The following LEKR1 variants were observed in gnomAD, a reference collection of about 807,000 sequenced individuals.
The protein encoded by LEKR1 is protein LEKR1.
In LEKR1, 59 loss-of-function variants were observed where a neutral mutation model predicts 72.4. The observed-to-expected ratio is 0.82, with a 90% CI of 0.66 to 1.01. LEKR1 has a LOEUF of 1.01. LEKR1 is among the 50% of genes least tolerant of loss of function. The pLI is 0.00. For synonymous variants in LEKR1, 257 were observed against 263.2 expected (o/e 0.98, Z 0.23); for missense variants, 728 against 759.2 (o/e 0.96, Z 0.48).
intron 6 of LEKR1, among the ~76,000 whole-genome samples, chr3:156,953,421 A>C: frequency 6.6e-6 from 1 of 151,576 alleles, no homozygotes; most frequent in East Asian, 1.9e-4. Flanking sequence ...CGTGTGCCAT[A>C]GTAGTTTGCT....
intron 6 of LEKR1, among the ~76,000 whole-genome samples, chr3:156,972,635 A>G (rs947401299): frequency 6.6e-6 from 1 of 151,654 alleles, no homozygotes; most frequent in South Asian, 2.1e-4. Context: ...ACAAATTTAT[A>G]TGTAATATAT....
chr3:156,881,834 A>G, intron 3 of LEKR1, among the ~76,000 whole-genome samples: 2 of 136,194 alleles, frequency 1.5e-5, no homozygotes, highest in Admixed American at 7.7e-5. Flanking sequence ...CAGAGCCCTC[A>G]GAAATAACGC....
chr3:156,961,037 G>A (rs1225657855), intron 6 of LEKR1, among the ~76,000 whole-genome samples: 1 of 152,040 alleles, frequency 6.6e-6, no homozygotes, highest in Non-Finnish European at 1.5e-5. Flanking sequence ...CTTTTTGTCA[G>A]CAGTCACAAA....
At chr3:156,946,762 A>G (rs910757208) in intron 6 of LEKR1, among the ~76,000 whole-genome samples, 1 of 151,348 alleles carries the variant, frequency 6.6e-6, no homozygotes, top group African/African-American at 2.4e-5. Flanking sequence ...ATGTTGGACC[A>G]TCCTTGCTTC....
At chr3:156,945,181 C>G (rs1367071274) in intron 6 of LEKR1, among the ~76,000 whole-genome samples, 2 of 151,638 alleles carry the variant, frequency 1.3e-5, no homozygotes, top group Non-Finnish European at 3.0e-5. Context: ...ATGTTGAACA[C>G]CTTTCCATAT....
chr3:157,018,173 T>C (rs887820862), intron 10 of LEKR1, among the ~76,000 whole-genome samples: 1 of 152,184 alleles, frequency 6.6e-6, no homozygotes, highest in Admixed American at 6.5e-5. Flanking sequence ...CTGATAGAAC[T>C]GTGAGAAGTA....
Position 156,958,121 on chromosome 3 carries a change from ACTACGTAC to A in LEKR1, c.745+15411_745+15418del, listed in dbSNP as rs1462476930. 3.9e-5 allele frequency among the ~76,000 whole-genome samples: 6 copies of A among 152,292 alleles called. No homozygotes were observed. The South Asian group carries it at 1.0e-3, about 26-fold the overall frequency. On this transcript the variant is annotated intron_variant, in intron 6 of 12. Transcript: ENST00000356539. Reference sequence around the variant, plus strand: ...AACTAGCGATGACAAGTACCACTTCACTACGTACCTATCTGTGAAGGGTACCAGGTTGG... The same window carrying A: ...AACTAGCGATGACAAGTACCACTTCACTATCTGTGAAGGGTACCAGGTTGG...
intron 1 of LEKR1, among the ~76,000 whole-genome samples, chr3:156,828,307 C>G (rs545284227): frequency 6.6e-6 from 1 of 152,178 alleles, no homozygotes; most frequent in African/African-American, 2.4e-5. Context: ...GCTGTATGGC[C>G]GGGGTTGCTC....
intron 6 of LEKR1, among the ~76,000 whole-genome samples, chr3:156,948,555 C>G (rs749429355): frequency 6.6e-6 from 1 of 150,834 alleles, no homozygotes; most frequent in Non-Finnish European, 1.5e-5. Flanking sequence ...TGACAGTGAA[C>G]GTTCAATCTG....
chr3:157,020,848 C>T (rs986342418), intron 10 of LEKR1, among the ~76,000 whole-genome samples: 20 of 151,812 alleles, frequency 1.3e-4, no homozygotes, highest in Non-Finnish European at 2.4e-4. Flanking sequence ...CCTGAGGAAT[C>T]GCCACACTGA....
At chr3:157,010,298 G>A (rs571779870) in intron 9 of LEKR1, among the ~76,000 whole-genome samples, 1 of 152,108 alleles carries the variant, frequency 6.6e-6, no homozygotes, top group African/African-American at 2.4e-5. Context: ...TCCCAAAGAA[G>A]TAGACTATAT....
At chr3:157,020,547 C>T (rs9833311) in intron 10 of LEKR1, among the ~76,000 whole-genome samples, 6,111 of 148,920 alleles carry the variant, frequency 0.041, 433 homozygotes, top group African/African-American at 0.14. Flanking sequence ...TTTGTCCTTG[C>T]GATAGTTTAC....
chr3:157,007,419 G>C (rs9867759), intron 9 of LEKR1, among the ~76,000 whole-genome samples: 110,265 of 151,446 alleles, frequency 0.73, 40,619 homozygotes, highest in East Asian at 0.93. Context: ...GCAGTTACTG[G>C]AAGTAAAAAG....
chr3:156,987,831 A>C (rs192256036), intron 7 of LEKR1, among the ~76,000 whole-genome samples: 4 of 152,254 alleles, frequency 2.6e-5, no homozygotes, highest in Admixed American at 2.6e-4. Context: ...ATCTATTTTA[A>C]TTAGTCTAGT....
At chr3:156,974,176 ATAT>A (rs1200504499) in intron 6 of LEKR1, among the ~76,000 whole-genome samples, 1 of 152,128 alleles carries the variant, frequency 6.6e-6, no homozygotes, top group Non-Finnish European at 1.5e-5. Flanking sequence ...ACATGATGAA[ATAT>A]TATGTATCAG....
At chr3:156,857,867 TATACTTATCTTTTCTA>T (rs1289869567) in intron 3 of LEKR1, among the ~76,000 whole-genome samples, 2 of 152,232 alleles carry the variant, frequency 1.3e-5, no homozygotes, top group African/African-American at 4.8e-5. Flanking sequence ...CAGACTAGGT[TATACTTATCTTTTCTA>T]ATAAGTTAAG....
chr3:157,034,252 G>C (rs1399328018), intron 12 of LEKR1, among the ~76,000 whole-genome samples: 1 of 152,158 alleles, frequency 6.6e-6, no homozygotes, highest in Non-Finnish European at 1.5e-5. Flanking sequence ...GATGATAGCT[G>C]TCATAGTTAT....
At position 156,982,853 on chromosome 3, in the gene LEKR1, GTGTAGA is replaced by G. The variant is rs1246314355; in HGVS notation, c.827+3580_827+3585del. ...TATATATGAATATGTGTGTGTGTGTGTGTAGATAGATAGATAGATAGATAGATAGAT... is the reference window on the plus strand; with the variant it reads ...TATATATGAATATGTGTGTGTGTGTGTAGATAGATAGATAGATAGATAGAT... On this transcript the variant is annotated intron_variant, in intron 7 of 12. Coordinates refer to ENST00000356539, the MANE Select transcript of LEKR1 (RefSeq NM_001004316.3). Among the ~76,000 whole-genome samples, 1,313 of 137,602 alleles carry G rather than the reference GTGTAGA, an allele frequency of 9.5e-3. 19 individuals carry two copies. Among genetic ancestry groups the G allele is most frequent in the African/African-American group, 0.033 (1,233 of 37,216 alleles). 90.3% of individuals were successfully genotyped at this position (137,602 alleles called of 152,430 possible).
chr3:156,847,332 A>G (rs1487039732), intron 2 of LEKR1, among the ~76,000 whole-genome samples: 1 of 152,230 alleles, frequency 6.6e-6, no homozygotes, highest in Admixed American at 6.5e-5. Context: ...ATGGTTCTAC[A>G]TTTGTTTAAT....
Sources: gnomAD v4.1 joint callset for allele counts (sites outside exome capture counted in the v4.1 genomes callset) on GRCh38, gnomAD v4.1.1 for gene constraint, MANE v1.5 for transcripts, NCBI Gene and HGNC (gene_info 2026-07-23, HGNC 2026-07-21) for gene names.